Variants in CDC27 observed in about 807,000 individuals in gnomAD.
The protein encoded by CDC27 is cell division cycle protein 27 homolog.
CDC27 carries 27 observed loss-of-function variants against 109.7 expected under a neutral mutation model. That is an observed-to-expected ratio of 0.25 (90% CI 0.18 to 0.34). The LOEUF is 0.34. CDC27 is among the 10% of genes least tolerant of loss of function. The pLI is 1.00. For synonymous variants in CDC27, 266 were observed against 333.9 expected (o/e 0.80, Z 2.22); for missense variants, 579 against 960.2 (o/e 0.60, Z 5.25).
chr17:47,180,527 T>C (rs2064181035), intron 2 of CDC27, among the ~76,000 whole-genome samples: 1 of 152,032 alleles, frequency 6.6e-6, no homozygotes, highest in South Asian at 2.1e-4. Context: ...TTAGGCCTTG[T>C]TCTCACAACT....
At chr17:47,124,904 T>C (rs552483787) in intron 16 of CDC27, among the ~76,000 whole-genome samples, 1 of 152,214 alleles carries the variant, frequency 6.6e-6, no homozygotes, top group South Asian at 2.1e-4. Flanking sequence ...CTCTGAGAAT[T>C]ATTACTTTAA....
chr17:47,175,025 G>A (rs221601), intron 2 of CDC27, among the ~76,000 whole-genome samples: 1 of 142,942 alleles, frequency 7.0e-6, no homozygotes, highest in Non-Finnish European at 1.5e-5. Context: ...GAAAGAAAGA[G>A]AGAAAGAGAG....
chr17:47,151,288 G>C (rs2063143805), intron 9 of CDC27, among the ~76,000 whole-genome samples: 1 of 152,134 alleles, frequency 6.6e-6, no homozygotes, highest in South Asian at 2.1e-4. Context: ...GTGTATGTCT[G>C]TTTTAAAATT....
intron 7 of CDC27, 172 bp downstream of exon 7, chr17:47,156,741 C>T: frequency 2.4e-6 from 1 of 420,590 alleles, no homozygotes; most frequent in Non-Finnish European, 4.2e-6. Context: ...AGCCACCGCA[C>T]CTGGCAACAT....
Position 47,158,280 on chromosome 17 carries a change from C to A in CDC27, c.401G>T (p.Gly134Val). The change falls in exon 5 of 19, where the codon GGA (glycine) becomes GTA (valine). Residue 134 changes from glycine (G) to valine (V), a missense_variant. Gly to Val is a moderately radical substitution (Grantham distance 109, BLOSUM62 -3). Transcript: ENST00000066544. Reference sequence around the variant, plus strand: ...AAGGCTCTTTTGGTAACATTCTGATCCTTTGGCAAGCCGATCTGTCTTGCT... The same window carrying A: ...AAGGCTCTTTTGGTAACATTCTGATACTTTGGCAAGCCGATCTGTCTTGCT... Reference protein sequence around the residue: ...VYCKTDRLAKGSECYQKSLSL... With the variant: ...VYCKTDRLAKVSECYQKSLSL... 1 of 1,566,346 alleles carries A rather than the reference C, an allele frequency of 6.4e-7. No homozygotes were observed. The highest frequency in any genetic ancestry group is 1.2e-5 in the South Asian group (1 of 83,736).
In CDC27 at chr17:47,154,678, TGAAGGGGC is replaced by T; in HGVS notation, c.943_950del (p.Ala315LysfsTer22). 2 of 1,554,214 alleles carry T rather than the reference TGAAGGGGC, an allele frequency of 1.3e-6. No homozygotes were observed. The highest frequency in any genetic ancestry group is 1.8e-6 in the Non-Finnish European group (2 of 1,131,646). ...CATTTTACATGGAAAATACCTTTTT[TGAAGGGGC>T]TCCGGTGGATGGCACATCAATTACA... On this transcript the variant is annotated frameshift_variant, in exon 8 of 19. Coordinates refer to ENST00000066544, the MANE Select transcript of CDC27 (RefSeq NM_001256.6). LOFTEE classifies it high-confidence loss of function.
intron 2 of CDC27, among the ~76,000 whole-genome samples, chr17:47,176,503 A>C (rs1163882501): frequency 6.6e-6 from 1 of 152,220 alleles, no homozygotes; most frequent in Non-Finnish European, 1.5e-5. Flanking sequence ...GACCACAAAT[A>C]AAAGAGGGCT....
At chr17:47,188,954 G>T in intron 1 of CDC27, 192 bp downstream of exon 1, 1 of 1,442,468 alleles carries the variant, frequency 6.9e-7, no homozygotes, top group South Asian at 1.4e-5. Context: ...GTGAAGTAAT[G>T]TAGGGCCAGA....
chr17:47,126,846 T>G (rs1320091360), intron 16 of CDC27, among the ~76,000 whole-genome samples: 1 of 152,240 alleles, frequency 6.6e-6, no homozygotes, highest in Non-Finnish European at 1.5e-5. Flanking sequence ...CAAGCTGGAA[T>G]GCAGAGGTGT....
chr17:47,124,178 AACAC>A (rs59790354), intron 16 of CDC27, among the ~76,000 whole-genome samples: 62 of 144,500 alleles, frequency 4.3e-4, no homozygotes, highest in East Asian at 4.1e-3. Context: ...GTACACTGAA[AACAC>A]ACACACACAC....
intron 17 of CDC27, among the ~76,000 whole-genome samples, chr17:47,122,950 A>G (rs1479424600): frequency 6.6e-6 from 1 of 152,164 alleles, no homozygotes; most frequent in Non-Finnish European, 1.5e-5. Flanking sequence ...TACAGGTGTG[A>G]GCCACCGCGC....
At chr17:47,125,947 T>C (rs2062127064) in intron 16 of CDC27, among the ~76,000 whole-genome samples, 1 of 152,234 alleles carries the variant, frequency 6.6e-6, no homozygotes, top group African/African-American at 2.4e-5. Flanking sequence ...TTGCATATTA[T>C]AATTGTTATC....
chr17:47,188,247 A>G (rs1028640700), intron 1 of CDC27, among the ~76,000 whole-genome samples: 2 of 152,190 alleles, frequency 1.3e-5, no homozygotes, highest in Non-Finnish European at 2.9e-5. Context: ...AGTGGGATGA[A>G]GTCTCCCAGA....
intron 2 of CDC27, among the ~76,000 whole-genome samples, chr17:47,179,332 C>A (rs1159033948): frequency 1.1e-5 from 1 of 93,024 alleles, no homozygotes; most frequent in Non-Finnish European, 2.6e-5. Context: ...CTGATATTGT[C>A]CACCAAGAAA....
intron 14 of CDC27, among the ~76,000 whole-genome samples, chr17:47,133,659 G>A (rs888832801): frequency 2.0e-5 from 3 of 151,304 alleles, no homozygotes; most frequent in Admixed American, 6.6e-5. Context: ...GGCTGGTCTC[G>A]AACTCCCGAC....
chr17:47,120,771 T>G lies in CDC27; in HGVS notation c.*164A>C, dbSNP rs2061962360. ...GTTAGCAGCTAAATATTGCACTGCCTTTCATTCTGTATACAGTCAGGGTCC... is the reference window on the plus strand; with the variant it reads ...GTTAGCAGCTAAATATTGCACTGCCGTTCATTCTGTATACAGTCAGGGTCC... On this transcript the variant is annotated 3_prime_UTR_variant, in exon 19 of 19. Transcript: ENST00000066544. 1 of 545,096 alleles carries G rather than the reference T, an allele frequency of 1.8e-6. No homozygotes were observed. Among genetic ancestry groups the G allele is most frequent in the Non-Finnish European group, 3.3e-6 (1 of 302,988 alleles). The allele number at this position is 545,096 out of a possible 1,614,324, so 33.8% of individuals were successfully genotyped here.
intron 4 of CDC27, among the ~76,000 whole-genome samples, chr17:47,161,307 C>CAG (rs2063491661): frequency 6.6e-6 from 1 of 151,898 alleles, no homozygotes; most frequent in Non-Finnish European, 1.5e-5. Flanking sequence ...ATATAATTGT[C>CAG]ATAAGACTGA....
chr17:47,142,733 T>C (rs1259427661), intron 10 of CDC27, among the ~76,000 whole-genome samples: 1 of 152,206 alleles, frequency 6.6e-6, no homozygotes, highest in Non-Finnish European at 1.5e-5. Flanking sequence ...AATAAGTAGA[T>C]GTAATTCTCA....
At chr17:47,134,995 C>T (rs2062533949) in intron 14 of CDC27, among the ~76,000 whole-genome samples, 1 of 151,846 alleles carries the variant, frequency 6.6e-6, no homozygotes, top group South Asian at 2.1e-4. Flanking sequence ...GCTAAATTAT[C>T]TCATTTAATC....
Sources: gnomAD v4.1 joint callset for allele counts (sites outside exome capture counted in the v4.1 genomes callset) on GRCh38, gnomAD v4.1.1 for gene constraint, MANE v1.5 for transcripts, NCBI Gene and HGNC (gene_info 2026-07-23, HGNC 2026-07-21) for gene names.